Variants in CEP112 observed in about 807,000 individuals in gnomAD.
CEP112 encodes the protein centrosomal protein 112, also known as centrosomal protein of 112 kDa.
CEP112 carries 127 observed loss-of-function variants against 153.0 expected under a neutral mutation model. The observed-to-expected ratio is 0.83, with a 90% CI of 0.72 to 0.96. The LOEUF is 0.96. Ranked by LOEUF, CEP112 falls within the 40% of genes least tolerant of loss-of-function variation. The pLI, the probability that CEP112 is intolerant of heterozygous loss-of-function variation, is 0.00. For missense variants in CEP112, 1,089 were observed against 1,101.2 expected (o/e 0.99, Z 0.16); for synonymous variants, 358 against 374.4 (o/e 0.96, Z 0.51).
chr17:66,027,299 C>G (rs1396323921), intron 16 of CEP112, among the ~76,000 whole-genome samples: 6 of 152,068 alleles, frequency 3.9e-5, no homozygotes, highest in Admixed American at 3.9e-4. Context: ...ATCCCTTGAA[C>G]CTAGGAGGCA....
intron 11 of CEP112, 152 bp downstream of exon 11, chr17:66,062,811 A>C: frequency 4.8e-6 from 2 of 413,698 alleles, no homozygotes; most frequent in East Asian, 7.6e-5. Context: ...ATATACCAAA[A>C]CATGAACAGT....
intron 6 of CEP112, among the ~76,000 whole-genome samples, chr17:66,107,191 T>C (rs763421703): frequency 5.9e-5 from 9 of 152,080 alleles, no homozygotes; most frequent in Non-Finnish European, 1.3e-4. Flanking sequence ...CATATCTATA[T>C]TGAACAGGAA....
intron 21 of CEP112, among the ~76,000 whole-genome samples, chr17:65,809,724 G>A (rs2055832397): frequency 6.6e-6 from 1 of 152,154 alleles, no homozygotes; most frequent in Admixed American, 6.5e-5. Context: ...TTAGGAAAAG[G>A]TTGAATACCA....
At chr17:65,882,806 T>C (rs1267483691) in intron 20 of CEP112, among the ~76,000 whole-genome samples, 1 of 152,162 alleles carries the variant, frequency 6.6e-6, no homozygotes, top group Admixed American at 6.5e-5. Flanking sequence ...AAAGCCACCA[T>C]CCACTGAAGA....
intron 16 of CEP112, among the ~76,000 whole-genome samples, chr17:66,016,788 G>A (rs2064794743): frequency 1.3e-5 from 2 of 152,102 alleles, no homozygotes; most frequent in Non-Finnish European, 2.9e-5. Context: ...TAAAAGCACA[G>A]TTGAGATTTA....
intron 20 of CEP112, among the ~76,000 whole-genome samples, chr17:65,864,214 C>T (rs1447697538): frequency 1.3e-5 from 2 of 151,808 alleles, no homozygotes; most frequent in Non-Finnish European, 2.9e-5. Flanking sequence ...ATTTTTGATC[C>T]TCGGGCAGTT....
chr17:65,828,015 C>A (rs563508938), intron 21 of CEP112, among the ~76,000 whole-genome samples: 1 of 152,278 alleles, frequency 6.6e-6, no homozygotes, highest in African/African-American at 2.4e-5. Context: ...TAAAAAAATT[C>A]TATATAAGTT....
intron 8 of CEP112, among the ~76,000 whole-genome samples, chr17:66,092,356 A>AATGCAC (rs2068172852): frequency 1.5e-5 from 2 of 135,064 alleles, no homozygotes; most frequent in African/African-American, 5.7e-5. Context: ...CATTAATTTA[A>AATGCAC]ACACACACAC....
At chr17:66,105,987 A>G (rs552412071) in intron 6 of CEP112, among the ~76,000 whole-genome samples, 2 of 152,306 alleles carry the variant, frequency 1.3e-5, no homozygotes, top group South Asian at 4.1e-4. Flanking sequence ...CTAGAAATCA[A>G]TAACAGGAAG....
At chr17:66,107,551 CAAATA>C (rs2068838818) in intron 6 of CEP112, among the ~76,000 whole-genome samples, 1 of 151,900 alleles carries the variant, frequency 6.6e-6, no homozygotes, top group African/African-American at 2.4e-5. Context: ...ACAATAGATA[CAAATA>C]AAATAAAACA....
chr17:65,937,605 C>A (rs1474825051), intron 18 of CEP112, among the ~76,000 whole-genome samples: 1 of 98,268 alleles, frequency 1.0e-5, no homozygotes, highest in African/African-American at 3.5e-5. Context: ...CCGCCCCGTC[C>A]GGGAGGGAGG....
At chr17:66,046,887 C>A (rs2066234281) in intron 12 of CEP112, among the ~76,000 whole-genome samples, 1 of 152,144 alleles carries the variant, frequency 6.6e-6, no homozygotes, top group South Asian at 2.1e-4. Context: ...AGAAGCTCCA[C>A]AGAGACAAGA....
At chr17:65,755,674 C>T (rs1308406902) in intron 21 of CEP112, among the ~76,000 whole-genome samples, 1 of 151,650 alleles carries the variant, frequency 6.6e-6, no homozygotes, top group African/African-American at 2.4e-5. Context: ...ACCAACTGGA[C>T]ATACCGTATA....
At chr17:66,054,299 A>G (rs1456619080) in intron 11 of CEP112, among the ~76,000 whole-genome samples, 1 of 152,192 alleles carries the variant, frequency 6.6e-6, no homozygotes, top group East Asian at 1.9e-4. Flanking sequence ...TTTGTACACC[A>G]GTAATGTTAA....
chr17:66,172,647 C>A (rs1436928877), intron 4 of CEP112, among the ~76,000 whole-genome samples: 1 of 152,040 alleles, frequency 6.6e-6, no homozygotes, highest in African/African-American at 2.4e-5. Flanking sequence ...ATCCTGTATT[C>A]CAAAGAAGAA....
intron 20 of CEP112, among the ~76,000 whole-genome samples, chr17:65,869,540 G>A (rs2058583080): frequency 6.6e-6 from 1 of 151,396 alleles, no homozygotes; most frequent in Admixed American, 6.6e-5. Context: ...ATGAAGGAGA[G>A]GACAGAACTT....
chr17:66,041,604 C>T (rs1003776265), intron 12 of CEP112, among the ~76,000 whole-genome samples: 30 of 152,120 alleles, frequency 2.0e-4, no homozygotes, highest in African/African-American at 7.2e-4. Context: ...ATAACTAGCA[C>T]ACAGATATTG....
chr17:65,943,114 T>C (rs1208210926), intron 18 of CEP112, among the ~76,000 whole-genome samples: 1 of 152,164 alleles, frequency 6.6e-6, no homozygotes, highest in Non-Finnish European at 1.5e-5. Context: ...TATGAATAGA[T>C]AGGCAGGCTG....
chr17:66,100,269 G>C (rs1476077440), intron 6 of CEP112, among the ~76,000 whole-genome samples: 3 of 151,894 alleles, frequency 2.0e-5, no homozygotes, highest in African/African-American at 7.3e-5. Context: ...GCGTGGTGGT[G>C]GCAGCCTGTA....
Sources: gnomAD v4.1 joint callset for allele counts (sites outside exome capture counted in the v4.1 genomes callset) on GRCh38, gnomAD v4.1.1 for gene constraint, MANE v1.5 for transcripts, NCBI Gene and HGNC (gene_info 2026-07-23, HGNC 2026-07-21) for gene names.